Variants in ABCG8 observed in about 807,000 individuals in gnomAD.
ABCG8 encodes ATP binding cassette subfamily G member 8.
A neutral mutation model predicts 71.3 loss-of-function variants in ABCG8; 81 were observed. That is an observed-to-expected ratio of 1.14 (90% confidence interval 0.95 to 1.37). The LOEUF (loss-of-function observed/expected upper bound fraction) is 1.37, where lower values mean the gene tolerates loss of function less well. Ranked by LOEUF, ABCG8 falls within the 40% of genes most tolerant of loss-of-function variation. The pLI is 0.00. For synonymous variants in ABCG8, 451 were observed against 354.7 expected (o/e 1.27, Z -3.05); for missense variants, 1,119 against 866.2 (o/e 1.29, Z -3.66).
chr2:43,869,287 A>C (rs1288498179), intron 6 of ABCG8, among the ~76,000 whole-genome samples: 1 of 152,020 alleles, frequency 6.6e-6, no homozygotes, highest in Non-Finnish European at 1.5e-5. Context: ...ATCTATCTGG[A>C]TAGTATTCTC....
At chr2:43,875,855 C>T (rs762819963) in intron 11 of ABCG8, among the ~76,000 whole-genome samples, 8 of 152,160 alleles carry the variant, frequency 5.3e-5, no homozygotes, top group South Asian at 2.1e-4. Context: ...CCCATGCCCC[C>T]CTTTGTTCAA....
chr2:43,848,606 A>C (rs1342915028), intron 3 of ABCG8: 1 of 152,188 alleles, frequency 6.6e-6, no homozygotes, highest in African/African-American at 2.4e-5. Context: ...AAATTATTAA[A>C]ATGATTTATT....
chr2:43,866,896 C>T lies in ABCG8; in HGVS notation c.965-5080C>T, dbSNP rs565040492. ...ATGCTGCTATAAAGACACATGCACACGTATGTTTATTGCGGCATTATTCAC... is the reference window on the plus strand; with the variant it reads ...ATGCTGCTATAAAGACACATGCACATGTATGTTTATTGCGGCATTATTCAC... On this transcript the variant is annotated intron_variant, in intron 6 of 12. Coordinates refer to ENST00000272286, the MANE Select transcript of ABCG8 (RefSeq NM_022437.3). Among the ~76,000 whole-genome samples the T allele has an allele frequency of 7.4e-3, 1,125 of 151,028 alleles. 19 individuals carry two copies. The highest frequency in any genetic ancestry group is 0.025 in the African/African-American group (1,012 of 41,032).
At chr2:43,853,498 C>T (rs1032037961) in intron 6 of ABCG8, among the ~76,000 whole-genome samples, 9 of 152,296 alleles carry the variant, frequency 5.9e-5, no homozygotes, top group East Asian at 1.9e-4. Flanking sequence ...GCTGGACAGG[C>T]GTCATGGTTG....
rs1553383620 is a variant in ABCG8 at position 43,873,981 on chromosome 2, C to G, written c.1406C>G (p.Ser469Cys). 1.9e-6 allele frequency: 3 copies of G among 1,613,970 alleles called. No individual in the cohort carries two copies. The highest frequency in any genetic ancestry group is 1.6e-4 in the Middle Eastern group (1 of 6,062). The stretch of plus-strand genomic sequence containing the variant: ...TTCAACGTCATTCTGGATGTCATCT[C>G]CAAATGTGAGTGTGGCCCACTGGCA... ...IPFNVILDVI[S>C]KCYSERAMLY... The change falls in exon 9 of 13, where the codon TCC becomes TGC. Residue 469 changes from serine (S) to cysteine (C), a missense_variant. By Grantham distance (112) the Ser-to-Cys change is moderately radical. Coordinates refer to ENST00000272286, the MANE Select transcript of ABCG8 (RefSeq NM_022437.3).
At chr2:43,861,122 A>G (rs1052719435) in intron 6 of ABCG8, among the ~76,000 whole-genome samples, 1 of 151,056 alleles carries the variant, frequency 6.6e-6, no homozygotes, top group African/African-American at 2.4e-5. Flanking sequence ...CCCTATCTAG[A>G]TAGAATTCTC....
chr2:43,874,516 C>CCT, intron 10 of ABCG8, 33 bp downstream of exon 10: 1 of 1,548,608 alleles, frequency 6.5e-7, no homozygotes, highest in South Asian at 1.1e-5. Context: ...AAGTGCCCCC[C>CCT]ACCCACCAGG....
chr2:43,874,347 C>T (rs774713365), intron 9 of ABCG8, 60 bp from the exon 10 acceptor site: 68 of 1,327,860 alleles, frequency 5.1e-5, no homozygotes, highest in Non-Finnish European at 7.2e-5. Flanking sequence ...GTCTCCAAAA[C>T]AGAAGCACTG....
intron 4 of ABCG8, 23 bp from the exon 5 acceptor site, chr2:43,852,331 T>C: frequency 6.2e-7 from 1 of 1,611,988 alleles, no homozygotes; most frequent in Non-Finnish European, 8.5e-7. Context: ...TGAGGTGGCC[T>C]CAAAGCTCCT....
chr2:43,843,610 T>A (rs1051759770), intron 1 of ABCG8, among the ~76,000 whole-genome samples: 2 of 152,080 alleles, frequency 1.3e-5, no homozygotes, highest in African/African-American at 4.8e-5. Flanking sequence ...GCTGTGATCA[T>A]GTCACTGCAC....
chr2:43,874,697 G>A (rs1026445940), intron 10 of ABCG8, among the ~76,000 whole-genome samples: 9 of 152,128 alleles, frequency 5.9e-5, no homozygotes, highest in African/African-American at 1.9e-4. Flanking sequence ...TGTGGACCAG[G>A]AATGATAGTT....
At chr2:43,866,350 C>G (rs1176141047) in intron 6 of ABCG8, among the ~76,000 whole-genome samples, 1 of 152,054 alleles carries the variant, frequency 6.6e-6, no homozygotes, top group African/African-American at 2.4e-5. Flanking sequence ...CAAATGGGAT[C>G]TAATTAAACT....
chr2:43,872,125 A>G lies in ABCG8; in HGVS notation c.1114A>G (p.Thr372Ala), dbSNP rs147360326. The change falls in exon 7 of 13, where the codon ACC becomes GCC. Residue 372 changes from threonine to alanine, a missense_variant. Thr to Ala is a moderately conservative substitution (Grantham distance 58). Transcript: ENST00000272286. ...AGAGACGAAGGATCTTGACGAGGAC[A>G]CCTGTGTGGAAAGGTAAGGTGGCAG... The part of the protein sequence containing the change: ...KAETKDLDED[T>A]CVESSVTPLD... The G allele has an allele frequency of 6.2e-7, 1 of 1,614,102 alleles. No homozygotes were observed. The highest frequency in any genetic ancestry group is 1.7e-5 in the Admixed American group (1 of 60,018).
intron 6 of ABCG8, among the ~76,000 whole-genome samples, chr2:43,859,849 A>G (rs1669242407): frequency 6.6e-6 from 1 of 151,452 alleles, no homozygotes; most frequent in South Asian, 2.1e-4. Flanking sequence ...CACTATCTGG[A>G]TAGAATTCTC....
intron 6 of ABCG8, among the ~76,000 whole-genome samples, chr2:43,853,204 AG>A (rs2104921082): frequency 6.6e-6 from 1 of 152,310 alleles, no homozygotes; most frequent in East Asian, 1.9e-4. Flanking sequence ...ACAACCTTTA[AG>A]GTCAAGAAGT....
In ABCG8 at chr2:43,878,093, A is replaced by T; in HGVS notation, c.*180A>T. On this transcript the variant is annotated 3_prime_UTR_variant, in exon 13 of 13. Coordinates refer to ENST00000272286, the MANE Select transcript of ABCG8 (RefSeq NM_022437.3). Reference sequence around the variant, plus strand: ...CACAGGATGGCAGTAGAATAAAGACAGTCGAAAGGGATTTCTGCTCACTGG... The same window carrying T: ...CACAGGATGGCAGTAGAATAAAGACTGTCGAAAGGGATTTCTGCTCACTGG... 1.2e-6 allele frequency: 1 copy of T among 861,552 alleles called. No individual in the cohort carries two copies. Among genetic ancestry groups the T allele is most frequent in the East Asian group, 2.7e-5 (1 of 37,134 alleles). 53.4% of individuals were successfully genotyped at this position (861,552 alleles called of 1,614,324 possible).
In ABCG8 at chr2:43,881,136, TTG is replaced by T. The variant is rs1670120498; in HGVS notation, c.*3226_*3227del. ...AGCCACTAAGATACATCACCTGACTTTGTGAGTTCACCATTCGGTCTGCAATG... is the reference window on the plus strand; with the variant it reads ...AGCCACTAAGATACATCACCTGACTTTGAGTTCACCATTCGGTCTGCAATG... On this transcript the variant is annotated 3_prime_UTR_variant, in exon 13 of 13. Coordinates refer to ENST00000272286, the MANE Select transcript of ABCG8 (RefSeq NM_022437.3). 1 of 152,296 alleles carries T rather than the reference TTG, an allele frequency of 6.6e-6. No individual in the cohort carries two copies. Among genetic ancestry groups the T allele is most frequent in the Admixed American group, 6.5e-5 (1 of 15,286 alleles). The allele number at this position is 152,296 out of a possible 1,614,324, so 9.4% of individuals were successfully genotyped here.
At chr2:43,863,809 C>T (rs1486975668) in intron 6 of ABCG8, among the ~76,000 whole-genome samples, 3 of 144,148 alleles carry the variant, frequency 2.1e-5, no homozygotes, top group East Asian at 2.1e-4. Flanking sequence ...ACTCTCACTA[C>T]CTGTCTGGAT....
chr2:43,874,763 G>A (rs1669902873), intron 10 of ABCG8, among the ~76,000 whole-genome samples: 1 of 152,160 alleles, frequency 6.6e-6, no homozygotes, highest in Non-Finnish European at 1.5e-5. Flanking sequence ...TACCTTTTCA[G>A]AGCCTCACTG....
Sources: gnomAD v4.1 joint callset for allele counts (sites outside exome capture counted in the v4.1 genomes callset) on GRCh38, gnomAD v4.1.1 for gene constraint, MANE v1.5 for transcripts, NCBI Gene and HGNC (gene_info 2026-07-23, HGNC 2026-07-21) for gene names.